The following EHD2 variants were observed in gnomAD, a reference collection of about 807,000 sequenced individuals.
The protein encoded by EHD2 is EH domain containing 2, also known as EH domain-containing protein 2.
EHD2 carries 27 observed loss-of-function variants against 41.0 expected under a neutral mutation model. The observed-to-expected ratio is 0.66, with a 90% confidence interval of 0.49 to 0.91. EHD2 has a LOEUF of 0.91. Ranked by LOEUF, EHD2 falls within the 40% of genes least tolerant of loss-of-function variation. EHD2 has a pLI of 0.00. For missense variants in EHD2, 673 were observed against 773.9 expected (o/e 0.87, Z 1.55); for synonymous variants, 342 against 341.0 (o/e 1.00, Z -0.03).
chr19:47,738,597 C>T (rs548907377), intron 5 of EHD2, among the ~76,000 whole-genome samples: 6 of 152,316 alleles, frequency 3.9e-5, no homozygotes, highest in African/African-American at 7.2e-5. Context: ...CCACTGCGCC[C>T]GGCCTGTATT....
In EHD2 at chr19:47,719,374, C is replaced by A. The variant is rs1417781958; in HGVS notation, c.502+768C>A. On this transcript the variant is annotated intron_variant, in intron 3 of 5. Transcript: ENST00000263277. This position sits in a 1 kb window ranked among gnomAD's most constrained non-coding sequence, Gnocchi z 4.1. ...GCCGAGAAGGGGATGGGAAGGGAAT[C>A]TGGGTGGGGGCCAAGGCCAGGCCTG... Among the ~76,000 whole-genome samples, 1 of 151,906 alleles carries A rather than the reference C, an allele frequency of 6.6e-6. No individual in the cohort carries two copies. Among genetic ancestry groups the A allele is most frequent in the Non-Finnish European group, 1.5e-5 (1 of 67,946 alleles).
chr19:47,741,210 C>T lies in EHD2; in HGVS notation c.1410C>T (p.Ser470=), dbSNP rs1413728731. 1.1e-5 allele frequency: 17 copies of T among 1,613,956 alleles called. No individual in the cohort carries two copies. Among genetic ancestry groups the T allele is most frequent in the Non-Finnish European group, 1.3e-5 (15 of 1,179,974 alleles). Residue 470 remains serine, a synonymous_variant, in exon 6 of 6, where the codon TCC becomes TCT. Transcript: ENST00000263277. The surrounding 1 kb of genome is among the most constrained non-coding windows in gnomAD (Gnocchi z 4.5). ...LAPADGKLSG[S]KAKTWMVGTK... is the part of the protein sequence containing the mutation. ...CTGCCGACGGCAAGCTGAGCGGCTC[C>T]AAGGCCAAGACCTGGATGGTGGGGA...
At chr19:47,715,038 CAAATAAATAAAT>C (rs60976490) in intron 1 of EHD2, among the ~76,000 whole-genome samples, 282 of 138,936 alleles carry the variant, frequency 2.0e-3, no homozygotes, top group African/African-American at 3.6e-3. Context: ...ACTCCATCTC[CAAATAAATAAAT>C]AAATAAATAA....
intron 3 of EHD2, among the ~76,000 whole-genome samples, chr19:47,724,680 CTG>C (rs1391348789): frequency 6.6e-6 from 1 of 152,142 alleles, no homozygotes; most frequent in Non-Finnish European, 1.5e-5. Context: ...AGAATCTTGT[CTG>C]TGTGTTCTCT....
rs1342684768 is a variant in EHD2 at position 47,725,836 on chromosome 19, G to A, written c.527G>A (p.Arg176His). 10 of 1,595,482 alleles carry A rather than the reference G, an allele frequency of 6.3e-6. No individual in the cohort carries two copies. The highest frequency in any genetic ancestry group is 5.4e-5 in the African/African-American group (4 of 74,630). Reference sequence around the variant, plus strand: ...GGCTACGACTTCCCGGCCGTGCTGCGCTGGTTCGCGGAGCGCGTGGACCTC... The same window carrying A: ...GGCTACGACTTCCCGGCCGTGCTGCACTGGTTCGCGGAGCGCGTGGACCTC... The part of the protein sequence containing the change: ...SRGYDFPAVL[R>H]WFAERVDLII... The change falls in exon 4 of 6, where the codon CGC becomes CAC. Residue 176 changes from arginine to histidine, a missense_variant. Arg to His is a conservative substitution (Grantham distance 29, BLOSUM62 0). Coordinates refer to ENST00000263277, the MANE Select transcript of EHD2 (RefSeq NM_014601.4).
intron 4 of EHD2, among the ~76,000 whole-genome samples, chr19:47,735,092 T>A (rs1966907917): frequency 6.6e-6 from 1 of 152,072 alleles, no homozygotes; most frequent in Non-Finnish European, 1.5e-5. Flanking sequence ...ATTTCTAGAT[T>A]TCTGGCCTCA....
rs1442117939 is a variant in EHD2 at position 47,716,575 on chromosome 19, C to A, written c.-38C>A. The A allele has an allele frequency of 3.4e-6, 5 of 1,461,320 alleles. No individual in the cohort carries two copies. The East Asian group carries it at 9.8e-5, about 29-fold the overall frequency. The allele number at this position is 1,461,320 out of a possible 1,614,324, so 90.5% of individuals were successfully genotyped here. A position where few individuals can be genotyped will look rare whatever the true frequency, so the allele number is the denominator to read the frequency against. On this transcript the variant is annotated 5_prime_UTR_variant, in exon 2 of 6. Transcript: ENST00000263277. ...TCCCACAGGCAGCTCTCCATCTGCA[C>A]GTCTCTCCGTGAACCCCGTGAGCGG...
Position 47,738,965 on chromosome 19 carries a change from A to C in EHD2, c.1081-1916A>C, listed in dbSNP as rs564578687. Among the ~76,000 whole-genome samples, 3 of 152,284 alleles carry C rather than the reference A, an allele frequency of 2.0e-5. No individual in the cohort carries two copies. The South Asian group carries it at 6.2e-4, about 32-fold the overall frequency. On this transcript the variant is annotated intron_variant, in intron 5 of 5. Transcript: ENST00000263277. ...TCTTCGGTGGGGAGGGGGTGGTCCCAGGAACCCCTGATGATCTGATCATCT... is the reference window on the plus strand; with the variant it reads ...TCTTCGGTGGGGAGGGGGTGGTCCCCGGAACCCCTGATGATCTGATCATCT...
At chr19:47,720,391 G>A (rs1367658903) in intron 3 of EHD2, among the ~76,000 whole-genome samples, 2 of 151,892 alleles carry the variant, frequency 1.3e-5, no homozygotes, top group East Asian at 1.9e-4. Flanking sequence ...GGCTGGTCTC[G>A]AACTCCTGAC....
Position 47,741,961 on chromosome 19 carries a change from C to T in EHD2, c.*529C>T. ...AGACCCCCTTCTGCTCCGCTTCCTCCTGCCCAGCCAGGCAACACCCTCAAC... is the reference window on the plus strand; with the variant it reads ...AGACCCCCTTCTGCTCCGCTTCCTCTTGCCCAGCCAGGCAACACCCTCAAC... On this transcript the variant is annotated 3_prime_UTR_variant, in exon 6 of 6. Transcript: ENST00000263277. The surrounding 1 kb of genome is among the most constrained non-coding windows in gnomAD (Gnocchi z 4.5). 1 of 456,126 alleles carries T rather than the reference C, an allele frequency of 2.2e-6. No homozygotes were observed. Among genetic ancestry groups the T allele is most frequent in the Non-Finnish European group, 4.4e-6 (1 of 226,882 alleles). The allele number at this position is 456,126 out of a possible 1,614,324, so 28.3% of individuals were successfully genotyped here.
chr19:47,713,971 C>G (rs1973600283), intron 1 of EHD2, among the ~76,000 whole-genome samples: 1 of 152,056 alleles, frequency 6.6e-6, no homozygotes, highest in African/African-American at 2.4e-5. Context: ...CAGGGCCCTC[C>G]CTGCCTGGGA....
chr19:47,726,346 C>T, intron 4 of EHD2, 122 bp downstream of exon 4: 1 of 1,203,284 alleles, frequency 8.3e-7, no homozygotes, highest in Non-Finnish European at 1.1e-6. Flanking sequence ...GAAGTTGGGT[C>T]ATTCTGGCAC....
In EHD2 at chr19:47,725,984, G is replaced by T. The variant is rs948649576; in HGVS notation, c.675G>T (p.Glu225Asp). The T allele has an allele frequency of 1.2e-6, 2 of 1,611,848 alleles. No individual in the cohort carries two copies. The highest frequency in any genetic ancestry group is 1.7e-6 in the Non-Finnish European group (2 of 1,178,414). The change falls in exon 4 of 6, where the codon GAG (glutamate) becomes GAT (aspartate). Residue 225 changes from glutamate to aspartate, a missense_variant. By Grantham distance (45) the Glu-to-Asp change is conservative (BLOSUM62 2). Transcript: ENST00000263277. The part of the protein sequence containing the change: ...RVVLNKADMV[E>D]TQQLMRVYGA... ...TGCTCAACAAGGCCGACATGGTGGA[G>T]ACGCAGCAGCTGATGCGCGTCTACG...
intron 1 of EHD2, 145 bp from the exon 2 acceptor site, chr19:47,716,413 C>T (rs1973625008): frequency 1.9e-6 from 1 of 534,958 alleles, no homozygotes; most frequent in Admixed American, 3.5e-5. Flanking sequence ...GCCATCCATG[C>T]TCTGTGACCA....
chr19:47,740,353 C>T (rs182859227), intron 5 of EHD2, among the ~76,000 whole-genome samples: 3 of 152,054 alleles, frequency 2.0e-5, no homozygotes, highest in Non-Finnish European at 2.9e-5. Flanking sequence ...GCCAGAGGAT[C>T]GTTTGAGGCT....
At chr19:47,736,954 A>G (rs907369908) in intron 5 of EHD2, among the ~76,000 whole-genome samples, 7 of 152,202 alleles carry the variant, frequency 4.6e-5, no homozygotes, top group Admixed American at 1.3e-4. Context: ...GAAGGGGGCC[A>G]GGCATGGTGG....
chr19:47,736,207 A>AAGAG (rs566288581), intron 4 of EHD2, among the ~76,000 whole-genome samples, 162 bp from the exon 5 acceptor site: 1 of 151,934 alleles, frequency 6.6e-6, no homozygotes, highest in Non-Finnish European at 1.5e-5. Context: ...AAGAAAAAAA[A>AAGAG]AGAGAGAGAG....
intron 2 of EHD2, 33 bp from the exon 3 acceptor site, chr19:47,718,476 C>T (rs767739308): frequency 1.3e-6 from 2 of 1,537,486 alleles, no homozygotes; most frequent in African/African-American, 1.4e-5. Context: ...TCTGTCCTTC[C>T]CTGTTGACCC....
chr19:47,730,142 G>A (rs1199535888), intron 4 of EHD2, among the ~76,000 whole-genome samples: 1 of 151,308 alleles, frequency 6.6e-6, no homozygotes, highest in Non-Finnish European at 1.5e-5. Flanking sequence ...GACAAACCCC[G>A]GAGTCAGGGA....
Sources: allele counts gnomAD v4.1 joint callset (sites outside exome capture counted in the v4.1 genomes callset), GRCh38; gene constraint gnomAD v4.1.1; non-coding constraint Gnocchi (gnomAD v3.1); transcripts MANE v1.5; gene names NCBI Gene and HGNC (gene_info 2026-07-23, HGNC 2026-07-21).